Variants in GPBP1L1 observed in about 807,000 individuals in gnomAD.
The protein encoded by GPBP1L1 is vasculin-like protein 1.
In GPBP1L1, 23 loss-of-function variants were observed where a neutral mutation model predicts 52.5. That is an observed-to-expected ratio of 0.44 (90% CI 0.32 to 0.62). The LOEUF (loss-of-function observed/expected upper bound fraction) is 0.62. Among genes scored for constraint, GPBP1L1 ranks in the 20% least tolerant of loss-of-function variants. The pLI is 0.06. For missense variants in GPBP1L1, 596 were observed against 579.3 expected (o/e 1.03, Z -0.30); for synonymous variants, 243 against 203.1 (o/e 1.20, Z -1.67).
intron 12 of GPBP1L1, among the ~76,000 whole-genome samples, chr1:45,629,332 A>G (rs1644497645): frequency 6.6e-6 from 1 of 152,176 alleles, no homozygotes; most frequent in Admixed American, 6.5e-5. Flanking sequence ...AGCTGTTAGG[A>G]TGAAAGAGCA....
intron 6 of GPBP1L1, chr1:45,651,577 G>A: frequency 1.6e-6 from 1 of 638,176 alleles, no homozygotes; most frequent in African/African-American, 1.8e-5. Context: ...GCAAGGCCTG[G>A]ATGAACTGGT....
intron 2 of GPBP1L1, among the ~76,000 whole-genome samples, chr1:45,681,076 T>C (rs1216396079): frequency 2.0e-5 from 3 of 150,148 alleles, no homozygotes; most frequent in African/African-American, 2.4e-5. Context: ...AGAAACTACC[T>C]GGAACAGTTA....
intron 6 of GPBP1L1, among the ~76,000 whole-genome samples, chr1:45,649,884 T>C (rs1644800167): frequency 6.6e-6 from 1 of 152,172 alleles, no homozygotes; most frequent in South Asian, 2.1e-4. Flanking sequence ...CCATCATAGA[T>C]TATTTGGCTG....
rs1355175802 is a variant in GPBP1L1 at position 45,659,064 on chromosome 1, A to G, written c.24T>C (p.Pro8=). The G allele has an allele frequency of 6.2e-6, 10 of 1,613,972 alleles. 1 individual carries two copies. In the Admixed American group the frequency reaches 1.7e-4, roughly 27 times the overall value. The change falls in exon 4 of 13, where the codon CCT becomes CCC. Residue 8 remains proline (P), a synonymous_variant. Transcript: ENST00000355105. MAQHDFV[P]AWLNFSTPQS... Reference sequence around the variant, plus strand: ...GTGGTGTTGAGAAATTTAGCCAAGCAGGAACAAAATCATGCTGCGCCATTT... The same window carrying G: ...GTGGTGTTGAGAAATTTAGCCAAGCGGGAACAAAATCATGCTGCGCCATTT...
At position 45,670,133 on chromosome 1, in the gene GPBP1L1, T is replaced by G. The variant is rs552119204; in HGVS notation, c.-1097-8908A>C. On this transcript the variant is annotated intron_variant, in intron 2 of 12. Coordinates refer to ENST00000355105, the MANE Select transcript of GPBP1L1 (RefSeq NM_021639.5). ...CCATCAGCAGCAGCATTTTAAGCGTTCCATCTGCTTTACATCTTCAACCAA... is the reference window on the plus strand; with the variant it reads ...CCATCAGCAGCAGCATTTTAAGCGTGCCATCTGCTTTACATCTTCAACCAA... Among the ~76,000 whole-genome samples the G allele has an allele frequency of 2.6e-5, 4 of 152,364 alleles. No individual in the cohort carries two copies. In the South Asian group the frequency reaches 8.3e-4, roughly 32 times the overall value.
In GPBP1L1 at chr1:45,646,131, G is replaced by A. The variant is rs866755859; in HGVS notation, c.478-3632C>T. The A allele has an allele frequency of 8.7e-5, 35 of 400,302 alleles. 1 individual carries two copies. Among genetic ancestry groups the A allele is most frequent in the Middle Eastern group, 1.8e-3 (2 of 1,142 alleles). 24.8% of individuals were successfully genotyped at this position (400,302 alleles called of 1,614,324 possible). ...GGAGCATGGCCTAGTAAGAACCGGC[G>A]TTTCCCTCTCTTTTCGGCATTGGTG... On this transcript the variant is annotated intron_variant, in intron 6 of 12. Coordinates refer to ENST00000355105, the MANE Select transcript of GPBP1L1 (RefSeq NM_021639.5).
intron 2 of GPBP1L1, among the ~76,000 whole-genome samples, chr1:45,673,857 T>TCAAA (rs1263118076): frequency 6.6e-6 from 1 of 152,064 alleles, no homozygotes; most frequent in African/African-American, 2.4e-5. Context: ...AGACTCCGTC[T>TCAAA]CAAACAAACA....
At chr1:45,634,317 G>T in intron 8 of GPBP1L1, 81 bp from the exon 9 acceptor site, 4 of 1,375,292 alleles carry the variant, frequency 2.9e-6, no homozygotes, top group South Asian at 1.5e-5. Context: ...AGCAAAGAGT[G>T]AAATGTTACA....
chr1:45,645,213 T>C lies in GPBP1L1; in HGVS notation c.478-2714A>G, dbSNP rs148336876. On this transcript the variant is annotated intron_variant, in intron 6 of 12. Coordinates refer to ENST00000355105, the MANE Select transcript of GPBP1L1 (RefSeq NM_021639.5). ...TATTTCAAGATCACAATCCAGGCAGTAGAGCCACTCATTGCTATGGGGTTG... is the reference window on the plus strand; with the variant it reads ...TATTTCAAGATCACAATCCAGGCAGCAGAGCCACTCATTGCTATGGGGTTG... Among the ~76,000 whole-genome samples, 399 of 152,312 alleles carry C rather than the reference T, an allele frequency of 2.6e-3. 2 individuals carry two copies. Among genetic ancestry groups the C allele is most frequent in the Admixed American group, 0.015 (222 of 15,296 alleles).
Position 45,661,457 on chromosome 1 carries a change from CT to C in GPBP1L1, c.-1097-233del, listed in dbSNP as rs201763349. Among the ~76,000 whole-genome samples, 1,120 of 142,002 alleles carry C rather than the reference CT, an allele frequency of 7.9e-3. 5 individuals are homozygous for C. The highest frequency in any genetic ancestry group is 0.014 in the African/African-American group (545 of 38,982). 93.2% of individuals were successfully genotyped at this position (142,002 alleles called of 152,430 possible). A position where few individuals can be genotyped will look rare whatever the true frequency, so the allele number is the denominator to read the frequency against. ...AAAAGTCATCTAAACAGAGTTTGCTCTTTTTTTTTTTTTTGGAGATGGAGTT... is the reference window on the plus strand; with the variant it reads ...AAAAGTCATCTAAACAGAGTTTGCTCTTTTTTTTTTTTTGGAGATGGAGTT... On this transcript the variant is annotated intron_variant, in intron 2 of 12. Coordinates refer to ENST00000355105, the MANE Select transcript of GPBP1L1 (RefSeq NM_021639.5).
intron 2 of GPBP1L1, among the ~76,000 whole-genome samples, chr1:45,674,879 C>A (rs1274866592): frequency 6.6e-6 from 1 of 152,194 alleles, no homozygotes. Flanking sequence ...ATGGGTTTAT[C>A]CAGATGTAAG....
At chr1:45,645,639 G>A (rs1224062316) in intron 6 of GPBP1L1, among the ~76,000 whole-genome samples, 1 of 151,868 alleles carries the variant, frequency 6.6e-6, no homozygotes, top group Admixed American at 6.6e-5. Context: ...TTTCTTCTTA[G>A]CTCTACAATT....
intron 12 of GPBP1L1, among the ~76,000 whole-genome samples, chr1:45,628,692 C>G (rs1644489962): frequency 6.6e-6 from 1 of 152,288 alleles, no homozygotes; most frequent in Non-Finnish European, 1.5e-5. Context: ...GAGACGGAAT[C>G]TCGCTCTGTC....
chr1:45,677,506 C>G (rs1051489747), intron 2 of GPBP1L1, among the ~76,000 whole-genome samples: 1 of 151,830 alleles, frequency 6.6e-6, no homozygotes, highest in South Asian at 2.1e-4. Context: ...TGTTTCACAA[C>G]AGCAAAAACA....
At position 45,660,167 on chromosome 1, in the gene GPBP1L1, A is replaced by G; in HGVS notation, c.-56+17T>C. On this transcript the variant is annotated intron_variant, in intron 3 of 12. Transcript: ENST00000355105. ...ATAGAGTCTTCTTTCCAAGTTAGAC[A>G]TATGGAGAATATTTACCCCAGAGTG... 1.0e-6 allele frequency: 1 copy of G among 984,364 alleles called. No homozygotes were observed. The highest frequency in any genetic ancestry group is 1.2e-6 in the Non-Finnish European group (1 of 828,978). 61.0% of individuals were successfully genotyped at this position (984,364 alleles called of 1,614,324 possible).
At chr1:45,669,901 T>C (rs1044651045) in intron 2 of GPBP1L1, among the ~76,000 whole-genome samples, 5 of 152,368 alleles carry the variant, frequency 3.3e-5, no homozygotes, top group African/African-American at 1.2e-4. Context: ...AACTCCTTTT[T>C]AGTATTTCCC....
At chr1:45,631,128 C>T (rs1644525900) in intron 10 of GPBP1L1, among the ~76,000 whole-genome samples, 1 of 151,762 alleles carries the variant, frequency 6.6e-6, no homozygotes, top group Non-Finnish European at 1.5e-5. Context: ...ACCTTACAGC[C>T]GTCACAAAAA....
At chr1:45,647,127 T>C (rs1644758206) in intron 6 of GPBP1L1, among the ~76,000 whole-genome samples, 2 of 151,716 alleles carry the variant, frequency 1.3e-5, no homozygotes, top group African/African-American at 4.8e-5. Flanking sequence ...TATTTTGAGT[T>C]TTCCCAGATG....
At chr1:45,686,677 C>T (rs1427750121), upstream of GPBP1L1, 1 of 152,258 alleles carries the variant, frequency 6.6e-6, no homozygotes, top group South Asian at 2.1e-4. Flanking sequence ...CGGCGACCCT[C>T]CCGGACGCCA....
Sources: gnomAD v4.1 joint callset for allele counts (sites outside exome capture counted in the v4.1 genomes callset) on GRCh38, gnomAD v4.1.1 for gene constraint, MANE v1.5 for transcripts, NCBI Gene and HGNC (gene_info 2026-07-23, HGNC 2026-07-21) for gene names.